Variants in SHISA5 observed in about 807,000 individuals in gnomAD.
The protein encoded by SHISA5 is shisa family member 5.
Under a neutral mutation model 27.5 loss-of-function variants are expected in SHISA5, and 21 were observed. The ratio of observed to expected loss-of-function variants is 0.76; its 90% CI spans 0.54 to 1.10. SHISA5 has a LOEUF of 1.10. Ranked by LOEUF, SHISA5 falls within the 50% of genes least tolerant of loss-of-function variation. SHISA5 has a pLI of 0.00. For synonymous variants in SHISA5, 137 were observed against 142.2 expected (o/e 0.96, Z 0.26); for missense variants, 314 against 336.3 (o/e 0.93, Z 0.52).
chr3:48,494,121 G>A (rs1421578343), intron 2 of SHISA5, among the ~76,000 whole-genome samples: 3 of 146,486 alleles, frequency 2.0e-5, no homozygotes, highest in Admixed American at 6.7e-5. Context: ...CCCTAATCCT[G>A]CCACCTCCTA....
At chr3:48,492,150 CAAAAAAAAAAAAAAAAAAAA>C (rs1169630533) in intron 2 of SHISA5, among the ~76,000 whole-genome samples, 113 of 18,916 alleles carry the variant, frequency 6.0e-3, no homozygotes, top group South Asian at 0.016. Context: ...GACTCCATCT[CAAAAAAAAAAAAAAAAAAAA>C]AAAAAAAAAA....
chr3:48,502,420 C>T, intron 1 of SHISA5: 2 of 456,704 alleles, frequency 4.4e-6, no homozygotes, highest in Non-Finnish European at 8.8e-6. Context: ...GCCTGGGCAA[C>T]AGGGCTCCAA....
Position 48,468,888 on chromosome 3 carries a change from CAA to C in SHISA5, c.*217_*218del. The stretch of plus-strand genomic sequence containing the variant: ...GCATAATTTCAGGTGAGGAAGAGAA[CAA>C]AGTCTGGTCCCAGCCCACTCTGGCA... On this transcript the variant is annotated 3_prime_UTR_variant, in exon 6 of 6. Coordinates refer to ENST00000296444, the MANE Select transcript of SHISA5 (RefSeq NM_016479.6). The C allele has an allele frequency of 6.5e-7, 1 of 1,533,774 alleles. No individual in the cohort carries two copies. Among genetic ancestry groups the C allele is most frequent in the Non-Finnish European group, 8.7e-7 (1 of 1,145,392 alleles).
At position 48,473,488 on chromosome 3, in the gene SHISA5, G is replaced by A; in HGVS notation, c.315-3645C>T. Reference sequence around the variant, plus strand: ...GCTTCTGCATCCATCTAGGCCCAGAGGGCGACCCTGGGGCCCTGGCTGACA... The same window carrying A: ...GCTTCTGCATCCATCTAGGCCCAGAAGGCGACCCTGGGGCCCTGGCTGACA... On this transcript the variant is annotated intron_variant, in intron 3 of 5. Coordinates refer to ENST00000296444, the MANE Select transcript of SHISA5 (RefSeq NM_016479.6). This position sits in a 1 kb window ranked among gnomAD's most constrained non-coding sequence, Gnocchi z 4.3. 3.9e-6 allele frequency: 5 copies of A among 1,291,314 alleles called. No individual in the cohort carries two copies. Among genetic ancestry groups the A allele is most frequent in the Non-Finnish European group, 5.0e-6 (5 of 990,200 alleles). 80.0% of individuals were successfully genotyped at this position (1,291,314 alleles called of 1,614,324 possible).
In SHISA5 at chr3:48,469,900, A is replaced by G; in HGVS notation, c.315-57T>C. On this transcript the variant is annotated intron_variant, in intron 3 of 5. Transcript: ENST00000296444. The surrounding 1 kb of genome is among the most constrained non-coding windows in gnomAD (Gnocchi z 4.6). ...CTCGCCCCTCCCCAGACCAGCATCCACACCTTCCCAAGGCATGCCCCTCTT... is the reference window on the plus strand; with the variant it reads ...CTCGCCCCTCCCCAGACCAGCATCCGCACCTTCCCAAGGCATGCCCCTCTT... 6.4e-7 allele frequency: 1 copy of G among 1,573,588 alleles called. No individual in the cohort carries two copies. The highest frequency in any genetic ancestry group is 8.6e-7 in the Non-Finnish European group (1 of 1,158,680).
At position 48,473,837 on chromosome 3, in the gene SHISA5, G is replaced by A. The variant is rs2040727979; in HGVS notation, c.315-3994C>T. The stretch of plus-strand genomic sequence containing the variant: ...GCACTTTGGGAGGCCGAGGCTTTTG[G>A]GAAGCTTGAGCCCAGGAGTTCGAGA... On this transcript the variant is annotated intron_variant, in intron 3 of 5. Transcript: ENST00000296444. This position sits in a 1 kb window ranked among gnomAD's most constrained non-coding sequence, Gnocchi z 4.3. Among the ~76,000 whole-genome samples the A allele has an allele frequency of 1.3e-5, 2 of 152,216 alleles. No homozygotes were observed. Among genetic ancestry groups the A allele is most frequent in the South Asian group, 4.1e-4 (2 of 4,822 alleles).
At chr3:48,487,123 C>T (rs960538317) in intron 2 of SHISA5, among the ~76,000 whole-genome samples, 2 of 148,058 alleles carry the variant, frequency 1.4e-5, no homozygotes, top group South Asian at 2.1e-4. Flanking sequence ...CACACACACA[C>T]GCACACGCAC....
At position 48,504,021 on chromosome 3, in the gene SHISA5, C is replaced by G. The variant is rs1002539694; in HGVS notation, c.74G>C (p.Gly25Ala). The G allele has an allele frequency of 5.5e-6, 8 of 1,467,784 alleles. No individual in the cohort carries two copies. The Admixed American group carries it at 1.2e-4, about 22-fold the overall frequency. 90.9% of individuals were successfully genotyped at this position (1,467,784 alleles called of 1,614,324 possible). A position where few individuals can be genotyped will look rare whatever the true frequency, so the allele number is the denominator to read the frequency against. Reference sequence around the variant, plus strand: ...GGCCGCCCCCACCCCCGGCTCACCACCCGGAGGCGGCGTTAGCAGCAGCAG... The same window carrying G: ...GGCCGCCCCCACCCCCGGCTCACCAGCCGGAGGCGGCGTTAGCAGCAGCAG... ...LLLLLLTPPP[G>A]ARGEVCMASR... Residue 25 changes from glycine to alanine, a missense_variant and splice_region_variant, in exon 1 of 6, where the codon GGT becomes GCT. Transcript: ENST00000296444. The surrounding 1 kb of genome is among the most constrained non-coding windows in gnomAD (Gnocchi z 4.0).
At position 48,469,163 on chromosome 3, in the gene SHISA5, C is replaced by A. The variant is rs181812731; in HGVS notation, c.667G>T (p.Ala223Ser). Reference protein sequence around the residue: ...LAGGAAAPYPASQPPYNPAYM... With the variant: ...LAGGAAAPYPSSQPPYNPAYM... ...GCCGGGTTGTAAGGAGGCTGGCTGGCGGGGTAGGGCGCGGCTGCTCCTCCT... is the reference window on the plus strand; with the variant it reads ...GCCGGGTTGTAAGGAGGCTGGCTGGAGGGGTAGGGCGCGGCTGCTCCTCCT... Residue 223 changes from alanine to serine, a missense_variant, in exon 6 of 6, where the codon GCC (alanine) becomes TCC (serine). By Grantham distance (99) the Ala-to-Ser change is moderately conservative. Coordinates refer to ENST00000296444, the MANE Select transcript of SHISA5 (RefSeq NM_016479.6). The surrounding 1 kb of genome is among the most constrained non-coding windows in gnomAD (Gnocchi z 4.6). The A allele has an allele frequency of 6.2e-7, 1 of 1,612,442 alleles. No homozygotes were observed. Among genetic ancestry groups the A allele is most frequent in the African/African-American group, 1.3e-5 (1 of 74,896 alleles).
At position 48,469,636 on chromosome 3, in the gene SHISA5, C is replaced by G; in HGVS notation, c.431-63G>C. ...CCCCAGGTCTTGAGAGCCAGGCTTGCCACCCATCCCTCCAGCTTAGCCAAA... is the reference window on the plus strand; with the variant it reads ...CCCCAGGTCTTGAGAGCCAGGCTTGGCACCCATCCCTCCAGCTTAGCCAAA... On this transcript the variant is annotated intron_variant, in intron 4 of 5. Transcript: ENST00000296444. This position sits in a 1 kb window ranked among gnomAD's most constrained non-coding sequence, Gnocchi z 4.6. 2 of 1,592,180 alleles carry G rather than the reference C, an allele frequency of 1.3e-6. No homozygotes were observed. The highest frequency in any genetic ancestry group is 1.7e-5 in the Admixed American group (1 of 57,468).
rs746745623 is a variant in SHISA5, at chr3:48,479,272, C to A, written c.234-15G>T. ...TGGCAGGCACGCTGCAAACAGGAAA[C>A]CTTGTGATTAGCACAATGAAGCCCC... On this transcript the variant is annotated splice_polypyrimidine_tract_variant and intron_variant, in intron 2 of 5. Coordinates refer to ENST00000296444, the MANE Select transcript of SHISA5 (RefSeq NM_016479.6). The A allele has an allele frequency of 5.0e-6, 8 of 1,599,772 alleles. No homozygotes were observed. In the South Asian group the frequency reaches 8.9e-5, roughly 18 times the overall value.
intron 2 of SHISA5, among the ~76,000 whole-genome samples, chr3:48,497,876 T>A (rs2107379314): frequency 7.2e-6 from 1 of 139,224 alleles, no homozygotes; most frequent in African/African-American, 3.1e-5. Flanking sequence ...GGCAACAGAG[T>A]GAGACTGTCT....
chr3:48,493,523 CTTTTTTTTTTTTTT>C (rs1195281041), intron 2 of SHISA5, among the ~76,000 whole-genome samples: 3 of 50,450 alleles, frequency 5.9e-5, no homozygotes, highest in South Asian at 1.1e-3. Context: ...ATGATCTATT[CTTTTTTTTTTTTTT>C]TTTTTTTTTT....
At chr3:48,499,924 G>T in intron 2 of SHISA5, among the ~76,000 whole-genome samples, 1 of 126,458 alleles carries the variant, frequency 7.9e-6, no homozygotes, top group Non-Finnish European at 1.7e-5. Context: ...GGTAGAAGAA[G>T]ACCTGTCAGG....
chr3:48,472,427 C>T (rs1320288307), intron 3 of SHISA5, among the ~76,000 whole-genome samples: 6 of 150,162 alleles, frequency 4.0e-5, no homozygotes, highest in Admixed American at 2.0e-4. Context: ...ACCCATGAGG[C>T]GGAGGTTGCA....
intron 3 of SHISA5, among the ~76,000 whole-genome samples, chr3:48,475,856 T>C (rs1041177693): frequency 4.6e-5 from 7 of 152,130 alleles, no homozygotes; most frequent in African/African-American, 1.4e-4. Context: ...CTGGAGCCAC[T>C]CACCATTAAA....
chr3:48,479,598 T>A (rs1320116415), intron 2 of SHISA5: 1 of 252,554 alleles, frequency 4.0e-6, no homozygotes, highest in African/African-American at 2.2e-5. Flanking sequence ...TATTATAATT[T>A]TTTTTTGTTT....
At chr3:48,503,243 C>A (rs2041806780) in intron 1 of SHISA5, 2 of 1,161,708 alleles carry the variant, frequency 1.7e-6, no homozygotes, top group African/African-American at 3.2e-5. Context: ...GGCACAAATG[C>A]TCTCTGACCC....
At chr3:48,479,154 C>T (rs753280412) in intron 3 of SHISA5, 23 bp downstream of exon 3, 1 of 1,592,856 alleles carries the variant, frequency 6.3e-7, no homozygotes, top group South Asian at 1.1e-5. Context: ...GGAAGATGCA[C>T]CCAGCCAGCA....
Sources: allele counts gnomAD v4.1 joint callset (sites outside exome capture counted in the v4.1 genomes callset), GRCh38; gene constraint gnomAD v4.1.1; non-coding constraint Gnocchi (gnomAD v3.1); transcripts MANE v1.5; gene names NCBI Gene and HGNC (gene_info 2026-07-23, HGNC 2026-07-21).